The following PSMD14 variants were observed in gnomAD, a reference collection of about 807,000 sequenced individuals.
PSMD14 encodes the protein ubiquitin C-terminal hydrolase PSMD14.
Under a neutral mutation model 41.2 loss-of-function variants are expected in PSMD14, and 7 were observed. That is an observed-to-expected ratio of 0.17 (90% confidence interval 0.10 to 0.32). The LOEUF is 0.32. Among genes scored for constraint, PSMD14 ranks in the 10% least tolerant of loss-of-function variants. The pLI, the probability that PSMD14 is intolerant of heterozygous loss-of-function variation, is 1.00. For synonymous variants in PSMD14, 114 were observed against 122.3 expected (o/e 0.93, Z 0.45); for missense variants, 139 against 375.6 (o/e 0.37, Z 5.21).
At chr2:161,353,763 T>C (rs1683152904) in intron 3 of PSMD14, among the ~76,000 whole-genome samples, 1 of 152,222 alleles carries the variant, frequency 6.6e-6, no homozygotes, top group African/African-American at 2.4e-5. Flanking sequence ...GCAGGGACTT[T>C]CCTACTTGTG....
chr2:161,396,791 G>A (rs1683803528), intron 10 of PSMD14, among the ~76,000 whole-genome samples: 1 of 152,092 alleles, frequency 6.6e-6, no homozygotes, highest in Non-Finnish European at 1.5e-5. Flanking sequence ...CACTTGGGAT[G>A]TCAGGATAAG....
At chr2:161,336,028 G>T (rs1484599783) in intron 3 of PSMD14, among the ~76,000 whole-genome samples, 1 of 152,216 alleles carries the variant, frequency 6.6e-6, no homozygotes, top group Non-Finnish European at 1.5e-5. Flanking sequence ...TTAATAAAGA[G>T]ATCATTATAA....
chr2:161,331,236 T>G (rs1218258295), intron 3 of PSMD14, among the ~76,000 whole-genome samples: 1 of 152,064 alleles, frequency 6.6e-6, no homozygotes, highest in Non-Finnish European at 1.5e-5. Context: ...TTCTACTGTA[T>G]AGACTAGATG....
At chr2:161,397,297 A>G (rs1053627226) in intron 10 of PSMD14, among the ~76,000 whole-genome samples, 2 of 152,178 alleles carry the variant, frequency 1.3e-5, no homozygotes, top group Admixed American at 6.5e-5. Flanking sequence ...CTGGATTACC[A>G]TGGTAGCAGT....
intron 3 of PSMD14, among the ~76,000 whole-genome samples, chr2:161,346,747 C>G (rs1210891365): frequency 6.6e-6 from 1 of 151,694 alleles, no homozygotes; most frequent in Non-Finnish European, 1.5e-5. Context: ...CTAGACCTTT[C>G]TGTCTCTTCT....
chr2:161,363,061 GTGAGCATTACTGCC>G lies in PSMD14; in HGVS notation c.49-4411_49-4398del, dbSNP rs557368936. Among the ~76,000 whole-genome samples the G allele has an allele frequency of 7.7e-4, 117 of 152,342 alleles. 3 individuals are homozygous for G. The highest frequency in any genetic ancestry group is 2.6e-3 in the African/African-American group (110 of 41,586). Reference sequence around the variant, plus strand: ...ACAGCAAGAGGTGAGCAGCAGGCAAGTGAGCATTACTGCCTGAGCTCCACCTCCTGTCAGATCAG... The same window carrying G: ...ACAGCAAGAGGTGAGCAGCAGGCAAGTGAGCTCCACCTCCTGTCAGATCAG... On this transcript the variant is annotated intron_variant, in intron 3 of 11. Coordinates refer to ENST00000409682, the MANE Select transcript of PSMD14 (RefSeq NM_005805.6).
intron 3 of PSMD14, among the ~76,000 whole-genome samples, chr2:161,330,371 A>G (rs991102778): frequency 7.2e-5 from 11 of 152,186 alleles, no homozygotes; most frequent in Non-Finnish European, 1.6e-4. Context: ...CATAATCTCA[A>G]TATTCCAAAT....
chr2:161,315,152 G>A (rs2105228995), intron 1 of PSMD14, among the ~76,000 whole-genome samples: 1 of 152,312 alleles, frequency 6.6e-6, no homozygotes, highest in Non-Finnish European at 1.5e-5. Flanking sequence ...GGGACGTTTG[G>A]TAAAGCTTGG....
intron 10 of PSMD14, chr2:161,407,473 T>G (rs1683962892): frequency 6.6e-6 from 1 of 152,152 alleles, no homozygotes; most frequent in South Asian, 2.1e-4. Context: ...CTATCTTTTC[T>G]CTTTAGGCAG....
intron 3 of PSMD14, among the ~76,000 whole-genome samples, chr2:161,330,501 A>G (rs1574117823): frequency 6.6e-6 from 1 of 152,198 alleles, no homozygotes; most frequent in Admixed American, 6.5e-5. Context: ...CGGGTTTCCT[A>G]TCTTAAACTT....
Position 161,367,483 on chromosome 2 carries a change from A to G in PSMD14, c.54A>G (p.Pro18=). 1 of 1,592,478 alleles carries G rather than the reference A, an allele frequency of 6.3e-7. No homozygotes were observed. Residue 18 remains proline (P), a synonymous_variant, in exon 4 of 12, where the codon CCA becomes CCG. Coordinates refer to ENST00000409682, the MANE Select transcript of PSMD14 (RefSeq NM_005805.6). ...GGGMPGLGQG[P]PTDAPAVDTA... ...ATTGATGTATTTGTTTCTAGGGGCC[A>G]CCTACAGATGCTCCTGCAGTGGACA...
At chr2:161,393,751 A>G (rs1683748759) in intron 9 of PSMD14, among the ~76,000 whole-genome samples, 1 of 151,954 alleles carries the variant, frequency 6.6e-6, no homozygotes, top group Non-Finnish European at 1.5e-5. Context: ...AAAGGGAAAA[A>G]ACTTCTTATT....
At chr2:161,391,011 C>G in intron 8 of PSMD14, 93 bp from the exon 9 acceptor site, 2 of 1,145,186 alleles carry the variant, frequency 1.7e-6, no homozygotes, top group South Asian at 2.4e-5. Flanking sequence ...GAGGATGGTA[C>G]AGGTATTATG....
intron 3 of PSMD14, 38 bp downstream of exon 3, chr2:161,318,911 A>G: frequency 4.5e-6 from 7 of 1,550,144 alleles, no homozygotes; most frequent in Non-Finnish European, 6.2e-6. Flanking sequence ...CTTGTGTGTA[A>G]ACTACAAGCC....
chr2:161,381,631 C>G (rs1054011200), intron 7 of PSMD14: 1 of 151,716 alleles, frequency 6.6e-6, no homozygotes, highest in Admixed American at 6.6e-5. Context: ...TATGAAAACA[C>G]AAATTTTAAA....
chr2:161,359,657 T>C (rs1243792649), intron 3 of PSMD14, among the ~76,000 whole-genome samples: 2 of 152,212 alleles, frequency 1.3e-5, no homozygotes, highest in Non-Finnish European at 2.9e-5. Context: ...TCAGTGAGCA[T>C]ACTAACTACT....
At chr2:161,389,912 TAGAGATGGGGTA>T (rs1683690490) in intron 8 of PSMD14, among the ~76,000 whole-genome samples, 2 of 130,246 alleles carry the variant, frequency 1.5e-5, no homozygotes, top group African/African-American at 6.6e-5. Flanking sequence ...TTTTTTTTTT[TAGAGATGGGGTA>T]TTGCTATGTT....
At chr2:161,355,905 T>C (rs1183603222) in intron 3 of PSMD14, among the ~76,000 whole-genome samples, 1 of 152,208 alleles carries the variant, frequency 6.6e-6, no homozygotes, top group African/African-American at 2.4e-5. Context: ...ATCTCCTCTA[T>C]CTTCTTTTCA....
intron 10 of PSMD14, among the ~76,000 whole-genome samples, chr2:161,395,486 A>G (rs1014457869): frequency 6.6e-6 from 1 of 152,174 alleles, no homozygotes; most frequent in Non-Finnish European, 1.5e-5. Flanking sequence ...CCTGTTGTAG[A>G]CCATGTAATA....
Sources: allele counts gnomAD v4.1 joint callset (sites outside exome capture counted in the v4.1 genomes callset), GRCh38; gene constraint gnomAD v4.1.1; transcripts MANE v1.5; gene names NCBI Gene and HGNC (gene_info 2026-07-23, HGNC 2026-07-21).